MICAL3: variants seen among roughly 807,000 people sequenced by gnomAD.
MICAL3 encodes microtubule associated monooxygenase, calponin and LIM domain containing 3, also known as [F-actin]-monooxygenase MICAL3.
In MICAL3, 62 loss-of-function variants were observed where a neutral mutation model predicts 207.4. The observed-to-expected ratio is 0.30, with a 90% CI of 0.24 to 0.37. MICAL3 has a LOEUF of 0.37. MICAL3 is among the 10% of genes least tolerant of loss of function. The pLI is 1.00. For missense variants in MICAL3, 2,368 were observed against 2,635.6 expected (o/e 0.90, Z 2.22); for synonymous variants, 1,077 against 1,069.3 (o/e 1.01, Z -0.14).
chr22:17,916,054 TCAAAAAAAAAAA>T (rs1932483127), intron 1 of MICAL3, among the ~76,000 whole-genome samples: 1 of 34,774 alleles, frequency 2.9e-5, no homozygotes, highest in African/African-American at 1.3e-4. Flanking sequence ...AGATCCAGTC[TCAAAAAAAAAAA>T]AAAAAAAAAA....
At chr22:17,893,273 C>A (rs993900024) in intron 11 of MICAL3, among the ~76,000 whole-genome samples, 10 of 152,130 alleles carry the variant, frequency 6.6e-5, no homozygotes, top group African/African-American at 2.4e-4. Flanking sequence ...CTGGTACTTC[C>A]CTCCTCCAAC....
intron 1 of MICAL3, among the ~76,000 whole-genome samples, chr22:18,007,775 TA>T (rs1569165755): frequency 6.6e-6 from 1 of 150,850 alleles, no homozygotes; most frequent in Non-Finnish European, 1.5e-5. Context: ...AACAAAAAAT[TA>T]GCCGGGCATG....
chr22:17,845,277 G>C (rs1174360361), intron 19 of MICAL3, among the ~76,000 whole-genome samples: 4 of 152,214 alleles, frequency 2.6e-5, no homozygotes, highest in Non-Finnish European at 5.9e-5. Context: ...TTTTACAGTA[G>C]AGTGAACGAA....
At chr22:17,802,249 G>C (rs1452374335) in intron 29 of MICAL3, among the ~76,000 whole-genome samples, 9 of 152,068 alleles carry the variant, frequency 5.9e-5, no homozygotes, top group Admixed American at 6.5e-5. Context: ...TTTCTTTATA[G>C]AGACGGGGTT....
At chr22:18,012,744 G>A (rs1923827294) in intron 1 of MICAL3, among the ~76,000 whole-genome samples, 1 of 152,204 alleles carries the variant, frequency 6.6e-6, no homozygotes, top group African/African-American at 2.4e-5. Context: ...ACTGTTACAT[G>A]GTGATTTACT....
intron 1 of MICAL3, among the ~76,000 whole-genome samples, chr22:18,018,768 C>CACACA (rs1569169310): frequency 7.2e-6 from 1 of 138,286 alleles, no homozygotes; most frequent in Admixed American, 7.4e-5. Flanking sequence ...ATCTATCTAT[C>CACACA]TACACACACA....
chr22:17,937,488 A>G (rs9605440), intron 1 of MICAL3, among the ~76,000 whole-genome samples: 43,949 of 151,954 alleles, frequency 0.29, 6,628 homozygotes, highest in East Asian at 0.53. Context: ...ACATGGAGAA[A>G]CGCCGTCTCT....
intron 16 of MICAL3, chr22:17,879,497 G>T (rs1451304248): frequency 3.1e-6 from 3 of 967,212 alleles, no homozygotes; most frequent in African/African-American, 1.6e-5. Flanking sequence ...GAAATGCAGA[G>T]TTCAACACAT....
chr22:17,858,983 C>T (rs1926225302), intron 19 of MICAL3, among the ~76,000 whole-genome samples: 1 of 152,206 alleles, frequency 6.6e-6, no homozygotes, highest in Non-Finnish European at 1.5e-5. Flanking sequence ...ATCCCAATTC[C>T]TTCTCTCCCT....
chr22:17,926,636 G>A (rs1405579136), intron 1 of MICAL3, among the ~76,000 whole-genome samples: 1 of 152,156 alleles, frequency 6.6e-6, no homozygotes, highest in Non-Finnish European at 1.5e-5. Context: ...TAGTAAAACT[G>A]CCATCTACCT....
rs117125347 is a variant in MICAL3 at position 17,930,569 on chromosome 22, C to T, written c.-74-23683G>A. The stretch of plus-strand genomic sequence containing the variant: ...CAGACACAGGACAGAAAATACTGCA[C>T]GACTCCATGTACACAAAGACAAGAA... On this transcript the variant is annotated intron_variant, in intron 1 of 31. Coordinates refer to ENST00000441493, the MANE Select transcript of MICAL3 (RefSeq NM_015241.3). Among the ~76,000 whole-genome samples, 393 of 152,306 alleles carry T rather than the reference C, an allele frequency of 2.6e-3. 1 individual carries two copies. The highest frequency in any genetic ancestry group is 9.0e-3 in the African/African-American group (374 of 41,552).
intron 20 of MICAL3, among the ~76,000 whole-genome samples, chr22:17,837,046 T>C (rs1375498362): frequency 6.6e-6 from 1 of 152,234 alleles, no homozygotes; most frequent in East Asian, 1.9e-4. Flanking sequence ...CGTTGGGCCA[T>C]GCCCCTAGGT....
intron 1 of MICAL3, 87 bp from the exon 2 acceptor site, chr22:17,906,973 T>C (rs182540175): frequency 2.8e-3 from 1,941 of 699,338 alleles, no homozygotes; most frequent in Non-Finnish European, 3.8e-3. Flanking sequence ...AGCAGAGTTC[T>C]AAAGTGTCGC....
chr22:17,948,392 G>A (rs1043690908), intron 1 of MICAL3, among the ~76,000 whole-genome samples: 5 of 152,284 alleles, frequency 3.3e-5, no homozygotes, highest in Middle Eastern at 3.4e-3. Context: ...ATACCGGGGG[G>A]CCATGATGGT....
At chr22:17,799,880 G>C (rs1338654272) in intron 29 of MICAL3, among the ~76,000 whole-genome samples, 2 of 151,676 alleles carry the variant, frequency 1.3e-5, no homozygotes, top group Non-Finnish European at 2.9e-5. Context: ...CCAAACAAAT[G>C]CATGTAAGAA....
In MICAL3 at chr22:17,889,044, G is replaced by C. The variant is rs377379411; in HGVS notation, c.1881C>G (p.Leu627=). 41 of 1,604,736 alleles carry C rather than the reference G, an allele frequency of 2.6e-5. No individual in the cohort carries two copies. Among genetic ancestry groups the C allele is most frequent in the Non-Finnish European group, 3.4e-5 (40 of 1,172,558 alleles). Reference sequence around the variant, plus strand: ...CCTTCCAGGCCTTACCGCTAGAGGGGAGGGAGTCCTTAAACATCTCGTAGA... The same window carrying C: ...CCTTCCAGGCCTTACCGCTAGAGGGCAGGGAGTCCTTAAACATCTCGTAGA... ...TQFYEMFKDS[L]PSSDTLDLNA... is the part of the protein sequence containing the mutation. The change falls in exon 13 of 32, where the codon CTC becomes CTG. Residue 627 remains leucine, a synonymous_variant. Coordinates refer to ENST00000441493, the MANE Select transcript of MICAL3 (RefSeq NM_015241.3).
Position 17,889,157 on chromosome 22 carries a change from A to G in MICAL3, c.1768T>C (p.Leu590=), listed in dbSNP as rs778942825. 2.5e-6 allele frequency: 4 copies of G among 1,613,938 alleles called. No homozygotes were observed. Among genetic ancestry groups the G allele is most frequent in the East Asian group, 2.2e-5 (1 of 44,886 alleles). The change falls in exon 13 of 32, where the codon TTG becomes CTG. Residue 590 remains leucine (L), a synonymous_variant. Transcript: ENST00000441493. The part of the protein sequence containing the change: ...QLAFDIAEKE[L]GISPIMTGKE... ...CCTGTCATGATGGGAGAAATGCCCA[A>G]TTCCTTCTCAGCAATGTCAAAGGCC...
At chr22:17,822,568 C>T (rs954722259) in intron 23 of MICAL3, among the ~76,000 whole-genome samples, 3 of 152,216 alleles carry the variant, frequency 2.0e-5, no homozygotes, top group Non-Finnish European at 2.9e-5. Flanking sequence ...CTGAGGCCTG[C>T]GCCCCCTCGC....
intron 1 of MICAL3, among the ~76,000 whole-genome samples, chr22:17,943,595 G>A (rs1410008007): frequency 6.6e-6 from 1 of 152,244 alleles, no homozygotes; most frequent in Non-Finnish European, 1.5e-5. Flanking sequence ...TACTCAAGGT[G>A]CCCAAGGCTG....
Sources: gnomAD v4.1 joint callset for allele counts (sites outside exome capture counted in the v4.1 genomes callset) on GRCh38, gnomAD v4.1.1 for gene constraint, MANE v1.5 for transcripts, NCBI Gene and HGNC (gene_info 2026-07-23, HGNC 2026-07-21) for gene names.